The following ZC3H11A variants were observed in gnomAD, a reference collection of about 807,000 sequenced individuals.
ZC3H11A encodes the protein zinc finger CCCH-type containing 11A.
In ZC3H11A, 22 loss-of-function variants were observed where a neutral mutation model predicts 90.8. The ratio of observed to expected loss-of-function variants is 0.24; its 90% CI spans 0.17 to 0.35. The LOEUF is 0.35. ZC3H11A is among the 10% of genes least tolerant of loss of function. The pLI is 1.00. For missense variants in ZC3H11A, 701 were observed against 964.9 expected, an observed-to-expected ratio of 0.73 and a Z score of 3.62; for synonymous variants, 294 against 339.8, an observed-to-expected ratio of 0.87 and a Z score of 1.48.
rs1396533141 is a variant in ZC3H11A, at chr1:203,802,216, T to A, written c.-946T>A. 6.6e-6 allele frequency: 1 copy of A among 152,628 alleles called. No homozygotes were observed. The highest frequency in any genetic ancestry group is 1.5e-5 in the Non-Finnish European group (1 of 68,034). 9.5% of individuals were successfully genotyped at this position (152,628 alleles called of 1,614,324 possible). A position where few individuals can be genotyped will look rare whatever the true frequency, so the allele number is the denominator to read the frequency against. ...GATGACGATGATGGATATATATACA[T>A]ACATCCATATTATACATAATGATAT... On this transcript the variant is annotated 5_prime_UTR_variant, in exon 2 of 18. Transcript: ENST00000367210.
intron 5 of ZC3H11A, among the ~76,000 whole-genome samples, chr1:203,829,051 T>G (rs1395913253): frequency 6.6e-6 from 1 of 152,214 alleles, no homozygotes; most frequent in Admixed American, 6.5e-5. Flanking sequence ...TTACCTCAAT[T>G]TAAGGGAAAA....
At chr1:203,820,588 G>C (rs187747792) in intron 4 of ZC3H11A, among the ~76,000 whole-genome samples, 1 of 151,692 alleles carries the variant, frequency 6.6e-6, no homozygotes, top group Non-Finnish European at 1.5e-5. Context: ...TGTGATTCTT[G>C]TGCCTCAACC....
chr1:203,831,090 A>G (rs1005057664), intron 8 of ZC3H11A, among the ~76,000 whole-genome samples: 13 of 151,708 alleles, frequency 8.6e-5, no homozygotes, highest in African/African-American at 3.1e-4. Context: ...GATTACAGGC[A>G]TGCGCCACCA....
intron 2 of ZC3H11A, among the ~76,000 whole-genome samples, chr1:203,816,617 TGAGA>T (rs1223607614): frequency 6.6e-6 from 1 of 152,052 alleles, no homozygotes; most frequent in Non-Finnish European, 1.5e-5. Context: ...GGCAACAGAG[TGAGA>T]CACTGTCTCT....
At chr1:203,819,551 T>TTTTTTTTTTTTTTA (rs1677741962) in intron 4 of ZC3H11A, among the ~76,000 whole-genome samples, 1 of 83,014 alleles carries the variant, frequency 1.2e-5, no homozygotes. Flanking sequence ...TTTTTTTTTT[T>TTTTTTTTTTTTTTA]GAGACAGAGT....
intron 5 of ZC3H11A, 28 bp downstream of exon 5, chr1:203,828,450 A>G: frequency 6.3e-7 from 1 of 1,578,890 alleles, no homozygotes. Flanking sequence ...TTTTAAAAGA[A>G]TATCAAATGA....
chr1:203,818,042 C>T (rs1006417269), intron 3 of ZC3H11A, among the ~76,000 whole-genome samples: 5 of 151,990 alleles, frequency 3.3e-5, no homozygotes, highest in East Asian at 3.9e-4. Flanking sequence ...CCCCCACGCC[C>T]GGTGATATTA....
intron 1 of ZC3H11A, chr1:203,796,360 C>T (rs571902837): frequency 1.0e-5 from 4 of 398,894 alleles, no homozygotes; most frequent in South Asian, 1.3e-4. Flanking sequence ...TTCCGGTATC[C>T]TACACCCATT....
rs958559785 is a variant in ZC3H11A at position 203,800,439 on chromosome 1, A to G, written c.-1587-1136A>G. Reference sequence around the variant, plus strand: ...TGAGCAGAATGAAGTTGTTCAAAGCAGTGAAAAAGAAATACTGCCTTAATT... The same window carrying G: ...TGAGCAGAATGAAGTTGTTCAAAGCGGTGAAAAAGAAATACTGCCTTAATT... On this transcript the variant is annotated intron_variant, in intron 1 of 17. Transcript: ENST00000367210. 9 of 1,463,792 alleles carry G rather than the reference A, an allele frequency of 6.1e-6. No homozygotes were observed. The Admixed American group carries it at 1.6e-4, about 26-fold the overall frequency. 90.7% of individuals were successfully genotyped at this position (1,463,792 alleles called of 1,614,324 possible).
intron 11 of ZC3H11A, among the ~76,000 whole-genome samples, chr1:203,839,047 A>G (rs1685264234): frequency 1.3e-5 from 2 of 152,286 alleles, no homozygotes; most frequent in Admixed American, 1.3e-4. Context: ...CTTGCCTGCA[A>G]TATGGAGACA....
chr1:203,821,282 CA>C (rs1678595207), intron 4 of ZC3H11A, among the ~76,000 whole-genome samples: 1 of 152,182 alleles, frequency 6.6e-6, no homozygotes, highest in African/African-American at 2.4e-5. Flanking sequence ...GAAGCCTCCC[CA>C]GCCATGCAGA....
intron 2 of ZC3H11A, among the ~76,000 whole-genome samples, chr1:203,807,640 G>C (rs1351074711): frequency 6.6e-6 from 1 of 151,846 alleles, no homozygotes; most frequent in Non-Finnish European, 1.5e-5. Context: ...GATCCTTCCA[G>C]CTCAGCCTCC....
At chr1:203,799,579 C>T (rs1414412807) in intron 1 of ZC3H11A, 1 of 703,018 alleles carries the variant, frequency 1.4e-6, no homozygotes, top group Non-Finnish European at 2.6e-6. Context: ...ACTCTAATGA[C>T]TTATGTTTGT....
At chr1:203,841,567 A>G (rs1239840076) in intron 12 of ZC3H11A, among the ~76,000 whole-genome samples, 1 of 152,236 alleles carries the variant, frequency 6.6e-6, no homozygotes, top group East Asian at 1.9e-4. Flanking sequence ...CTACACAGAC[A>G]CAGTAACAAT....
chr1:203,831,272 G>C (rs1316542535), intron 8 of ZC3H11A, among the ~76,000 whole-genome samples: 1 of 151,866 alleles, frequency 6.6e-6, no homozygotes, highest in Admixed American at 6.6e-5. Flanking sequence ...TTCTTTTAAG[G>C]CTTGCTTTAT....
In ZC3H11A at chr1:203,829,432, A is replaced by T. The variant is rs376210430; in HGVS notation, c.299-19A>T. 1 of 1,613,466 alleles carries T rather than the reference A, an allele frequency of 6.2e-7. No individual in the cohort carries two copies. Among genetic ancestry groups the T allele is most frequent in the East Asian group, 2.2e-5 (1 of 44,880 alleles). ...TTGTATCTTCTGTTTTTAATTTATGACTGATTTTGTGCGTTTAGCTGTGTT... is the reference window on the plus strand; with the variant it reads ...TTGTATCTTCTGTTTTTAATTTATGTCTGATTTTGTGCGTTTAGCTGTGTT... On this transcript the variant is annotated intron_variant, in intron 5 of 17. Coordinates refer to ENST00000367210, the MANE Select transcript of ZC3H11A (RefSeq NM_001376342.1).
rs370062824 is a variant in ZC3H11A at position 203,851,068 on chromosome 1, G to A, written c.2118G>A (p.Pro706=). 3.7e-6 allele frequency: 6 copies of A among 1,613,976 alleles called. No individual in the cohort carries two copies. The highest frequency in any genetic ancestry group is 1.3e-5 in the African/African-American group (1 of 74,904). ...PAKKAAVAVV[P]LVSEDKSVTV... ...TCTTCCTTTTGTAGGCTGTTGTCCC[G>A]CTTGTCTCTGAGGACAAATCAGTCA... is the stretch of plus-strand genomic sequence containing the variant. Residue 706 remains proline (P), a synonymous_variant, in exon 17 of 18, where the codon CCG becomes CCA. Transcript: ENST00000367210.
chr1:203,799,482 A>T, intron 1 of ZC3H11A: 1 of 702,998 alleles, frequency 1.4e-6, no homozygotes. Context: ...TACTTTTTAT[A>T]TGTTAAAATG....
Position 203,847,342 on chromosome 1 carries a change from A to C in ZC3H11A, c.1201A>C (p.Ile401Leu), listed in dbSNP as rs1160697823. ...TTCAGGAGCAAGAAGCTCCTCCACT[A>C]TCCGTATCAAAACCTTCTCTGAGGT... ...STSGARSSSTIRIKTFSEVLA... is the reference protein window; with the variant it reads ...STSGARSSSTLRIKTFSEVLA... The change falls in exon 13 of 18, where the codon ATC becomes CTC. Residue 401 changes from isoleucine (I) to leucine (L), a missense_variant. Around this residue, in one of 4 missense-constraint regions of ZC3H11A, gnomAD observed 530 missense variants for 696.2 expected, o/e 0.76. Transcript: ENST00000367210. 6.2e-7 allele frequency: 1 copy of C among 1,613,972 alleles called. No homozygotes were observed.
Sources: gnomAD v4.1 joint callset for allele counts (sites outside exome capture counted in the v4.1 genomes callset) on GRCh38, gnomAD v4.1.1 for gene constraint, gnomAD v4.1.1 regional missense constraint, MANE v1.5 for transcripts, NCBI Gene and HGNC (gene_info 2026-07-23, HGNC 2026-07-21) for gene names.